The following LRRC42 variants were observed in gnomAD, a reference collection of about 807,000 sequenced individuals.
LRRC42 encodes leucine rich repeat containing 42.
LRRC42 carries 43 observed loss-of-function variants against 44.3 expected under a neutral mutation model. That is an observed-to-expected ratio of 0.97 (90% CI 0.76 to 1.25). The LOEUF is 1.25. Ranked by LOEUF, LRRC42 falls within the 50% of genes most tolerant of loss-of-function variation. The pLI is 0.00. For synonymous variants in LRRC42, 207 were observed against 195.2 expected, an observed-to-expected ratio of 1.06 and a Z score of -0.50; for missense variants, 540 against 509.1, an observed-to-expected ratio of 1.06 and a Z score of -0.58.
At position 53,958,423 on chromosome 1, in the gene LRRC42, T is replaced by C. The variant is rs188647727; in HGVS notation, c.605+143T>C. ...TTTCCTAAAACATTTTCAATCTCCATTTACTTGGTATAAGCAATATAGATT... is the reference window on the plus strand; with the variant it reads ...TTTCCTAAAACATTTTCAATCTCCACTTACTTGGTATAAGCAATATAGATT... On this transcript the variant is annotated intron_variant, in intron 4 of 8. Transcript: ENST00000371370. 25 of 1,089,104 alleles carry C rather than the reference T, an allele frequency of 2.3e-5. No individual in the cohort carries two copies. In the African/African-American group the frequency reaches 3.9e-4, roughly 17 times the overall value. The allele number at this position is 1,089,104 out of a possible 1,614,324, so 67.5% of individuals were successfully genotyped here.
intron 7 of LRRC42, among the ~76,000 whole-genome samples, chr1:53,965,405 G>A (rs1471362172): frequency 6.6e-6 from 1 of 151,236 alleles, no homozygotes; most frequent in Non-Finnish European, 1.5e-5. Flanking sequence ...TAAAGTTCTT[G>A]TTATTCATGG....
chr1:53,958,883 G>A (rs1654920801), intron 4 of LRRC42, among the ~76,000 whole-genome samples: 1 of 151,236 alleles, frequency 6.6e-6, no homozygotes, highest in Non-Finnish European at 1.5e-5. Flanking sequence ...ACTGCGCCTG[G>A]CCCTATTTAT....
chr1:53,967,274 T>C (rs990732660), intron 8 of LRRC42, among the ~76,000 whole-genome samples: 1 of 152,374 alleles, frequency 6.6e-6, no homozygotes. Context: ...TAATGAAGGC[T>C]GTCATTTTTG....
Position 53,966,237 on chromosome 1 carries a change from G to C in LRRC42, c.928-59G>C, listed in dbSNP as rs1041992912. The C allele has an allele frequency of 5.4e-5, 73 of 1,363,662 alleles. No homozygotes were observed. The South Asian group carries it at 6.1e-4, about 11-fold the overall frequency. 84.5% of individuals were successfully genotyped at this position (1,363,662 alleles called of 1,614,324 possible). A position where few individuals can be genotyped will look rare whatever the true frequency, so the allele number is the denominator to read the frequency against. ...GAGGGAAAAAGGGGGAACAAGAAAGGCTTGAGATTAAAATCTCAATATTTT... is the reference window on the plus strand; with the variant it reads ...GAGGGAAAAAGGGGGAACAAGAAAGCCTTGAGATTAAAATCTCAATATTTT... On this transcript the variant is annotated intron_variant, in intron 7 of 8. Coordinates refer to ENST00000371370, the MANE Select transcript of LRRC42 (RefSeq NM_001256409.2).
chr1:53,953,286 A>G (rs1256493640), intron 3 of LRRC42, among the ~76,000 whole-genome samples: 3 of 152,254 alleles, frequency 2.0e-5, no homozygotes, highest in African/African-American at 4.8e-5. Flanking sequence ...AGATGGCAGC[A>G]TGCTGCATAC....
intron 7 of LRRC42, among the ~76,000 whole-genome samples, chr1:53,963,202 C>T (rs1419081518): frequency 6.6e-6 from 1 of 152,214 alleles, no homozygotes; most frequent in Non-Finnish European, 1.5e-5. Context: ...AGCGTCACCT[C>T]TCCACAGGTA....
chr1:53,966,271 T>C, intron 7 of LRRC42, 25 bp from the exon 8 acceptor site: 2 of 1,587,648 alleles, frequency 1.3e-6, no homozygotes, highest in East Asian at 4.5e-5. Context: ...TTGTTTGGAT[T>C]CAAATCTTTC....
At chr1:53,951,516 C>T (rs1032483248) in intron 2 of LRRC42, among the ~76,000 whole-genome samples, 1 of 152,156 alleles carries the variant, frequency 6.6e-6, no homozygotes, top group Non-Finnish European at 1.5e-5. Flanking sequence ...CCTCTGTCTC[C>T]CGGGTTCAAG....
Position 53,962,059 on chromosome 1 carries a change from C to T in LRRC42, c.750C>T (p.Gly250=), listed in dbSNP as rs1200003392. 2.5e-6 allele frequency: 4 copies of T among 1,613,598 alleles called. No homozygotes were observed. Among genetic ancestry groups the T allele is most frequent in the Non-Finnish European group, 3.4e-6 (4 of 1,179,536 alleles). ...GTAACCCTGAGATCACAGATGCAGG[C>T]ATTGGATACCTCTTTTCTTTTAGGA... ...LSCNPEITDA[G]IGYLFSFRKL... The change falls in exon 6 of 9, where the codon GGC becomes GGT. Residue 250 remains glycine (G), a synonymous_variant. Coordinates refer to ENST00000371370, the MANE Select transcript of LRRC42 (RefSeq NM_001256409.2).
rs1655131786 is a variant in LRRC42 at position 53,966,476 on chromosome 1, A to G, written c.1012+96A>G. ...CCTCCTTGGAAAAATTAATTATGAT[A>G]GTATTGGCTTATTTATGATCACCAA... is the stretch of plus-strand genomic sequence containing the variant. On this transcript the variant is annotated intron_variant, in intron 8 of 8. Coordinates refer to ENST00000371370, the MANE Select transcript of LRRC42 (RefSeq NM_001256409.2). 1.0e-5 allele frequency: 8 copies of G among 793,616 alleles called. No homozygotes were observed. In the Admixed American group the frequency reaches 1.2e-4, roughly 12 times the overall value. 49.2% of individuals were successfully genotyped at this position (793,616 alleles called of 1,614,324 possible).
intron 4 of LRRC42, among the ~76,000 whole-genome samples, chr1:53,958,824 G>C (rs1421833821): frequency 6.6e-6 from 1 of 152,122 alleles, no homozygotes; most frequent in Admixed American, 6.6e-5. Flanking sequence ...GACCTCAGGT[G>C]ATCCTCCCGC....
At chr1:53,962,558 A>C in intron 7 of LRRC42, 149 bp downstream of exon 7, 1 of 634,108 alleles carries the variant, frequency 1.6e-6, no homozygotes, top group Non-Finnish European at 2.8e-6. Context: ...CTGATGGGCT[A>C]TAACTGGCCC....
rs1427545773 is a variant in LRRC42, at chr1:53,958,076, G to A, written c.474-73G>A. 3 of 1,584,712 alleles carry A rather than the reference G, an allele frequency of 1.9e-6. No individual in the cohort carries two copies. The African/African-American group carries it at 4.0e-5, about 21-fold the overall frequency. On this transcript the variant is annotated intron_variant, in intron 3 of 8. Coordinates refer to ENST00000371370, the MANE Select transcript of LRRC42 (RefSeq NM_001256409.2). ...GATGGGATGGTAGGATATTGACTAT[G>A]ATACAAATCCACAAATGGTAATGCT...
chr1:53,964,099 G>C (rs953342171), intron 7 of LRRC42, among the ~76,000 whole-genome samples: 10 of 151,792 alleles, frequency 6.6e-5, no homozygotes, highest in Admixed American at 5.3e-4. Context: ...TGCCTACTCA[G>C]TTCTTACTCC....
chr1:53,951,151 C>G (rs1223588757), intron 2 of LRRC42, among the ~76,000 whole-genome samples: 1 of 152,206 alleles, frequency 6.6e-6, no homozygotes, highest in Non-Finnish European at 1.5e-5. Flanking sequence ...TGGAATGTGT[C>G]AAGCTAGCAA....
chr1:53,961,950 G>A lies in LRRC42; in HGVS notation c.725-84G>A, dbSNP rs111787959. The A allele has an allele frequency of 3.0e-3, 2,919 of 964,778 alleles. 3 individuals are homozygous for A. Among genetic ancestry groups the A allele is most frequent in the Non-Finnish European group, 4.1e-3 (2,508 of 616,280 alleles). 59.8% of individuals were successfully genotyped at this position (964,778 alleles called of 1,614,324 possible). A position where few individuals can be genotyped will look rare whatever the true frequency, so the allele number is the denominator to read the frequency against. Reference sequence around the variant, plus strand: ...AATGTTTTATAGTTTATCATTGCCCGGACGTTTTTCTGAGCTTATTTTTGG... The same window carrying A: ...AATGTTTTATAGTTTATCATTGCCCAGACGTTTTTCTGAGCTTATTTTTGG... On this transcript the variant is annotated intron_variant, in intron 5 of 8. Transcript: ENST00000371370.
At chr1:53,959,919 C>CTTTTTTTTTTTTTTTTTTTTTTT (rs767888306) in intron 4 of LRRC42, among the ~76,000 whole-genome samples, 1 of 136,636 alleles carries the variant, frequency 7.3e-6, no homozygotes, top group African/African-American at 2.7e-5. Context: ...ACCAAAAAAT[C>CTTTTTTTTTTTTTTTTTTTTTTT]TTTTTTTTTT....
In LRRC42 at chr1:53,952,035, C is replaced by T; in HGVS notation, c.36C>T (p.Asp12=). The T allele has an allele frequency of 2.5e-6, 4 of 1,614,134 alleles. No homozygotes were observed. The highest frequency in any genetic ancestry group is 3.4e-6 in the Non-Finnish European group (4 of 1,180,042). ...ACCTCAGCTCAGAAAACCACCTGGA[C>T]CCAGGGCCCATCTACATGCGAGAAA... ...SYYLSSENHL[D]PGPIYMRENG... The change falls in exon 3 of 9, where the codon GAC becomes GAT. Residue 12 remains aspartate (D), a synonymous_variant. Coordinates refer to ENST00000371370, the MANE Select transcript of LRRC42 (RefSeq NM_001256409.2).
chr1:53,957,435 G>A (rs1309032195), intron 3 of LRRC42, among the ~76,000 whole-genome samples: 1 of 152,196 alleles, frequency 6.6e-6, no homozygotes, highest in African/African-American at 2.4e-5. Flanking sequence ...CCTGGGCTGT[G>A]GAATGCTGTT....
Sources: gnomAD v4.1 joint callset for allele counts (sites outside exome capture counted in the v4.1 genomes callset) on GRCh38, gnomAD v4.1.1 for gene constraint, MANE v1.5 for transcripts, NCBI Gene and HGNC (gene_info 2026-07-23, HGNC 2026-07-21) for gene names.